WDR27: variants seen among roughly 807,000 people sequenced by gnomAD.
WDR27 encodes WD repeat-containing protein 27.
WDR27 carries 100 observed loss-of-function variants against 114.4 expected under a neutral mutation model. The observed-to-expected ratio is 0.87, with a 90% CI of 0.74 to 1.03. The LOEUF is 1.03. Among genes scored for constraint, WDR27 ranks in the 50% least tolerant of loss-of-function variants. The pLI is 0.00. For synonymous variants in WDR27, 449 were observed against 423.1 expected (o/e 1.06, Z -0.75); for missense variants, 1,129 against 1,092.9 (o/e 1.03, Z -0.47).
intron 25 of WDR27, among the ~76,000 whole-genome samples, chr6:169,566,086 ATT>A (rs1800425336): frequency 8.0e-6 from 1 of 124,778 alleles, no homozygotes; most frequent in Non-Finnish European, 2.0e-5. Flanking sequence ...TTTGTAATGT[ATT>A]GTTACTCGTT....
At chr6:169,438,014 A>C in the WDR27 span, among the ~76,000 whole-genome samples, 3 of 152,124 alleles carry the variant, frequency 2.0e-5, no homozygotes, top group African/African-American at 7.2e-5. Context: ...GGTAGTGAGC[A>C]TAGTACCCAA....
intron 13 of WDR27, among the ~76,000 whole-genome samples, chr6:169,657,014 G>A (rs1226575383): frequency 6.6e-6 from 1 of 152,202 alleles, no homozygotes; most frequent in Non-Finnish European, 1.5e-5. Flanking sequence ...ATGGTGATGG[G>A]ACGGCAGCAG....
downstream of WDR27, among the ~76,000 whole-genome samples, chr6:169,452,819 G>A (rs1322702711): frequency 1.3e-5 from 2 of 152,246 alleles, no homozygotes; most frequent in Non-Finnish European, 2.9e-5. Flanking sequence ...ATTAATGCTT[G>A]CCTTGTTTAA....
intron 25 of WDR27, among the ~76,000 whole-genome samples, chr6:169,571,688 T>A (rs1259304333): frequency 2.0e-5 from 3 of 151,998 alleles, no homozygotes; most frequent in Admixed American, 6.6e-5. Flanking sequence ...AAATAAATAA[T>A]TAGTCGGGGG....
At chr6:169,509,478 T>A (rs1015275991) in intron 25 of WDR27, among the ~76,000 whole-genome samples, 37 of 152,078 alleles carry the variant, frequency 2.4e-4, no homozygotes, top group Middle Eastern at 3.4e-3. Flanking sequence ...TAATGCCGCA[T>A]ATCTACAACT....
chr6:169,438,741 TAGGAGG>T, the WDR27 span, among the ~76,000 whole-genome samples: 1 of 152,184 alleles, frequency 6.6e-6, no homozygotes, highest in Non-Finnish European at 1.5e-5. Flanking sequence ...AGTCATACTG[TAGGAGG>T]CTTTTCACTT....
intron 25 of WDR27, among the ~76,000 whole-genome samples, chr6:169,485,149 A>C (rs544665932): frequency 1.6e-4 from 25 of 152,368 alleles, no homozygotes; most frequent in African/African-American, 5.5e-4. Context: ...AGCAATTGCA[A>C]AAAAGGAAAT....
chr6:169,527,830 T>C (rs1162109331), intron 25 of WDR27, among the ~76,000 whole-genome samples: 1 of 152,116 alleles, frequency 6.6e-6, no homozygotes, highest in Non-Finnish European at 1.5e-5. Context: ...GTCAGCTAAG[T>C]AAAAGATTTT....
At chr6:169,663,910 G>C (rs1452837845) in intron 8 of WDR27, among the ~76,000 whole-genome samples, 2 of 152,236 alleles carry the variant, frequency 1.3e-5, no homozygotes, top group Non-Finnish European at 2.9e-5. Flanking sequence ...CTGCAAAGCT[G>C]CTGCCTTGGT....
intron 9 of WDR27, among the ~76,000 whole-genome samples, chr6:169,661,435 A>G (rs1341610378): frequency 6.6e-6 from 1 of 152,124 alleles, no homozygotes; most frequent in Non-Finnish European, 1.5e-5. Flanking sequence ...CTGGACATGG[A>G]CTTGGCAGAG....
chr6:169,489,951 T>C (rs1433175478), intron 25 of WDR27, among the ~76,000 whole-genome samples: 2 of 152,178 alleles, frequency 1.3e-5, no homozygotes, highest in Non-Finnish European at 2.9e-5. Context: ...CAAACTACAT[T>C]CTAAGCAACT....
intron 15 of WDR27, among the ~76,000 whole-genome samples, chr6:169,648,933 G>C: frequency 6.6e-6 from 1 of 152,228 alleles, no homozygotes; most frequent in East Asian, 1.9e-4. Context: ...ATCGGCTACG[G>C]CATTTTCTAA....
At position 169,580,980 on chromosome 6, in the gene WDR27, A is replaced by G. The variant is rs188458707; in HGVS notation, c.2523+1856T>C. ...ATATATATATATATAAATTCGGTATATGATATCATTATCCTTAATGAATCA... is the reference window on the plus strand; with the variant it reads ...ATATATATATATATAAATTCGGTATGTGATATCATTATCCTTAATGAATCA... On this transcript the variant is annotated intron_variant, in intron 24 of 25. Coordinates refer to ENST00000448612, the MANE Select transcript of WDR27 (RefSeq NM_182552.5). Among the ~76,000 whole-genome samples, 418 of 145,792 alleles carry G rather than the reference A, an allele frequency of 2.9e-3. 3 individuals carry two copies. The highest frequency in any genetic ancestry group is 1.0e-2 in the African/African-American group (404 of 40,504).
At chr6:169,449,939 A>C in the WDR27 span, among the ~76,000 whole-genome samples, 6 of 152,186 alleles carry the variant, frequency 3.9e-5, no homozygotes, top group Non-Finnish European at 5.9e-5. Flanking sequence ...ATAATTTAAG[A>C]AGCTTAATAT....
At chr6:169,449,927 C>T in the WDR27 span, among the ~76,000 whole-genome samples, 3 of 152,244 alleles carry the variant, frequency 2.0e-5, no homozygotes, top group African/African-American at 4.8e-5. Flanking sequence ...GAAGCCAGCA[C>T]CATAATTTAA....
At chr6:169,510,219 G>T (rs186596972) in intron 25 of WDR27, among the ~76,000 whole-genome samples, 1 of 152,178 alleles carries the variant, frequency 6.6e-6, no homozygotes, top group Non-Finnish European at 1.5e-5. Context: ...GGAAGTTGGC[G>T]TGGCAATTCC....
rs956755397 is a variant in WDR27, at chr6:169,684,192, C to T, written c.189+4625G>A. Among the ~76,000 whole-genome samples the T allele has an allele frequency of 7.2e-5, 11 of 152,126 alleles. No homozygotes were observed. The highest frequency in any genetic ancestry group is 1.5e-4 in the Non-Finnish European group (10 of 68,018). ...CCAGAGAAACAACCCAGCACTCCTG[C>T]CAAGGACAAACCTGCCCTTGATTTA... On this transcript the variant is annotated intron_variant, in intron 2 of 25. Transcript: ENST00000448612. The surrounding 1 kb of genome is among the most constrained non-coding windows in gnomAD (Gnocchi z 4.3).
At chr6:169,440,560 C>G in the WDR27 span, among the ~76,000 whole-genome samples, 2 of 152,116 alleles carry the variant, frequency 1.3e-5, no homozygotes, top group African/African-American at 4.8e-5. Context: ...ACTCCATGTT[C>G]TAATAAGACC....
chr6:169,481,978 A>C (rs963906303), intron 25 of WDR27, among the ~76,000 whole-genome samples: 1 of 152,172 alleles, frequency 6.6e-6, no homozygotes, highest in African/African-American at 2.4e-5. Context: ...AGTACATCCC[A>C]GTGTCTGTTG....
Sources: allele counts gnomAD v4.1 joint callset (sites outside exome capture counted in the v4.1 genomes callset), GRCh38; gene constraint gnomAD v4.1.1; non-coding constraint Gnocchi (gnomAD v3.1); transcripts MANE v1.5; gene names NCBI Gene and HGNC (gene_info 2026-07-23, HGNC 2026-07-21).